The following CPXM2 variants were observed in gnomAD, a reference collection of about 807,000 sequenced individuals.
CPXM2 encodes carboxypeptidase X, M14 family member 2, also known as inactive carboxypeptidase-like protein X2.
CPXM2 carries 66 observed loss-of-function variants against 86.1 expected under a neutral mutation model. That is an observed-to-expected ratio of 0.77 (90% CI 0.63 to 0.94). CPXM2 has a LOEUF of 0.94. Ranked by LOEUF, CPXM2 falls within the 40% of genes least tolerant of loss-of-function variation. CPXM2 has a pLI of 0.00. For synonymous variants in CPXM2, 388 were observed against 400.2 expected (o/e 0.97, Z 0.36); for missense variants, 948 against 1,026.3 (o/e 0.92, Z 1.04).
chr10:123,875,798 CTTTTCTTTCTTTTTTTTTTTTTT>C (rs1944974192), intron 2 of CPXM2, among the ~76,000 whole-genome samples: 1 of 107,998 alleles, frequency 9.3e-6, no homozygotes, highest in Non-Finnish European at 2.0e-5. Context: ...ATGTTTCTTT[CTTTTCTTTCTTTTTTTTTTTTTT>C]TTTTTTTTTT....
chr10:123,908,835 C>T lies in CPXM2; in HGVS notation n.175-28526G>A, dbSNP rs151075926. Among the ~76,000 whole-genome samples, 516 of 152,272 alleles carry T rather than the reference C, an allele frequency of 3.4e-3. 1 individual carries two copies. The highest frequency in any genetic ancestry group is 4.6e-3 in the Non-Finnish European group (315 of 68,022). ...TATCATGGTTCAGGTACACATTATA[C>T]ATTTGTTAAATGTACAATCTATAAA... On this transcript the variant is annotated intron_variant and non_coding_transcript_variant, in intron 2 of 19. Coordinates refer to the CPXM2 transcript ENST00000368854.
intron 4 of CPXM2, among the ~76,000 whole-genome samples, chr10:123,841,213 C>T (rs1028384363): frequency 6.6e-6 from 1 of 152,094 alleles, no homozygotes; most frequent in East Asian, 1.9e-4. Context: ...CACAAAGCCC[C>T]CAAGCTCTGC....
intron 4 of CPXM2, 79 bp from the exon 5 acceptor site, chr10:123,799,278 G>C (rs1322711511): frequency 1.3e-6 from 2 of 1,563,040 alleles, no homozygotes; most frequent in Admixed American, 3.4e-5. Context: ...GAAGTGAGGA[G>C]AGCAGGTGCC....
chr10:123,921,018 T>C (rs1280151952), intron 2 of CPXM2, among the ~76,000 whole-genome samples: 2 of 152,170 alleles, frequency 1.3e-5, no homozygotes, highest in East Asian at 3.8e-4. Flanking sequence ...TGGTATTCTG[T>C]TATAGCAACA....
chr10:123,870,260 G>A (rs1019285096), intron 2 of CPXM2, among the ~76,000 whole-genome samples: 7 of 152,136 alleles, frequency 4.6e-5, no homozygotes, highest in African/African-American at 1.7e-4. Flanking sequence ...TTGAAAACTC[G>A]AGAGCATAAC....
In CPXM2 at chr10:123,842,484, C is replaced by A; in HGVS notation, c.518G>T (p.Gly173Val). 1 of 1,613,998 alleles carries A rather than the reference C, an allele frequency of 6.2e-7. No individual in the cohort carries two copies. Among genetic ancestry groups the A allele is most frequent in the Non-Finnish European group, 8.5e-7 (1 of 1,179,910 alleles). ...AHRGRLNIQA[G>V]INENDFYDGA... is the part of the protein sequence containing the mutation. Reference sequence around the variant, plus strand: ...GTCATAAAAATCATTTTCATTAATGCCCGCCTAGAAAGAAAGAAAGCGGTG... The same window carrying A: ...GTCATAAAAATCATTTTCATTAATGACCGCCTAGAAAGAAAGAAAGCGGTG... The change falls in exon 4 of 14, where the codon GGC becomes GTC. Residue 173 changes from glycine (G) to valine (V), a missense_variant. Transcript: ENST00000241305.
intron 4 of CPXM2, among the ~76,000 whole-genome samples, chr10:123,835,822 T>G (rs1848268086): frequency 6.6e-6 from 1 of 152,164 alleles, no homozygotes; most frequent in Admixed American, 6.5e-5. Context: ...CCCAGGTCCC[T>G]TGGGAGGAAC....
At chr10:123,747,480 A>C (rs1845992810) in intron 13 of CPXM2, among the ~76,000 whole-genome samples, 1 of 152,214 alleles carries the variant, frequency 6.6e-6, no homozygotes, top group Non-Finnish European at 1.5e-5. Flanking sequence ...AAAGGACTAC[A>C]TGGACTGAGG....
In CPXM2 at chr10:123,757,266, G is replaced by T. The variant is rs1340285912; in HGVS notation, c.1864C>A (p.Leu622Met). The T allele has an allele frequency of 6.2e-7, 1 of 1,613,910 alleles. No individual in the cohort carries two copies. Among genetic ancestry groups the T allele is most frequent in the South Asian group, 1.1e-5 (1 of 91,062 alleles). Residue 622 changes from leucine (L) to methionine (M), a missense_variant, in exon 12 of 14, where the codon CTG becomes ATG. Leu to Met is a conservative substitution (Grantham distance 15, BLOSUM62 2). Coordinates refer to ENST00000241305, the MANE Select transcript of CPXM2 (RefSeq NM_198148.3). ...CGGTTATTCTCCCACTCCTCGGGCAGCTGGCTCTCATGTGGGTATTTATCA... is the reference window on the plus strand; with the variant it reads ...CGGTTATTCTCCCACTCCTCGGGCATCTGGCTCTCATGTGGGTATTTATCA... Reference protein sequence around the residue: ...GCDKYPHESQLPEEWENNRES... With the variant: ...GCDKYPHESQMPEEWENNRES...
chr10:123,747,149 C>A (rs1845986851), intron 13 of CPXM2, 132 bp from the exon 14 acceptor site: 3 of 1,088,766 alleles, frequency 2.8e-6, no homozygotes, highest in Non-Finnish European at 4.0e-6. Flanking sequence ...CGAGCTCCTG[C>A]AGATGCAAAT....
rs1355213772 is a variant in CPXM2 at position 123,768,575 on chromosome 10, T to C, written c.1250A>G (p.His417Arg). The C allele has an allele frequency of 6.2e-7, 1 of 1,613,808 alleles. No homozygotes were observed. The highest frequency in any genetic ancestry group is 8.5e-7 in the Non-Finnish European group (1 of 1,179,902). Reference protein sequence around the residue: ...IVHLVEETRIHVLPSLNPDGY... With the variant: ...IVHLVEETRIRVLPSLNPDGY... ...ATCGGGGTTGAGGGAGGGGAGGACG[T>C]GAATCCGCGTCTCCTCCACCAGGTG... is the stretch of plus-strand genomic sequence containing the variant. Residue 417 changes from histidine to arginine, a missense_variant, in exon 9 of 14, where the codon CAC becomes CGC. Coordinates refer to ENST00000241305, the MANE Select transcript of CPXM2 (RefSeq NM_198148.3).
intron 4 of CPXM2, among the ~76,000 whole-genome samples, chr10:123,837,603 T>G (rs1298157292): frequency 6.6e-6 from 1 of 152,200 alleles, no homozygotes; most frequent in Non-Finnish European, 1.5e-5. Flanking sequence ...AATAAAAGAC[T>G]GCTTTTCATT....
intron 2 of CPXM2, among the ~76,000 whole-genome samples, chr10:123,923,465 CA>C (rs1945594002): frequency 6.6e-6 from 1 of 150,710 alleles, no homozygotes; most frequent in Admixed American, 6.6e-5. Context: ...CCTGTAGTCC[CA>C]GCTACTCGGG....
chr10:123,755,182 T>G (rs1303042471), intron 12 of CPXM2, among the ~76,000 whole-genome samples: 2 of 152,190 alleles, frequency 1.3e-5, no homozygotes, highest in Non-Finnish European at 2.9e-5. Flanking sequence ...AAGTAGCCAA[T>G]GGGCATGCTT....
At chr10:123,913,087 T>C (rs1417313284) in intron 2 of CPXM2, among the ~76,000 whole-genome samples, 1 of 152,230 alleles carries the variant, frequency 6.6e-6, no homozygotes, top group East Asian at 1.9e-4. Context: ...GCTGCTGGGC[T>C]CTCTGCCTTG....
intron 2 of CPXM2, among the ~76,000 whole-genome samples, chr10:123,934,827 T>C (rs978070825): frequency 6.6e-6 from 1 of 152,194 alleles, no homozygotes; most frequent in Non-Finnish European, 1.5e-5. Flanking sequence ...CGCCTGCCAC[T>C]GAGACCTGTG....
chr10:123,752,013 A>C, intron 13 of CPXM2: 1 of 985,468 alleles, frequency 1.0e-6, no homozygotes, highest in South Asian at 4.7e-5. Context: ...CACTCAGTTC[A>C]AAACTCCCAC....
chr10:123,849,676 G>C (rs886714589), intron 3 of CPXM2, among the ~76,000 whole-genome samples: 1 of 152,130 alleles, frequency 6.6e-6, no homozygotes, highest in Non-Finnish European at 1.5e-5. Flanking sequence ...ACCTCCCAAA[G>C]TGCTGGGATT....
chr10:123,827,794 C>T (rs1161871249), intron 4 of CPXM2, among the ~76,000 whole-genome samples: 1 of 152,092 alleles, frequency 6.6e-6, no homozygotes, highest in African/African-American at 2.4e-5. Context: ...GAAAACCAGC[C>T]TCCCCAGTTT....
Sources: allele counts gnomAD v4.1 joint callset (sites outside exome capture counted in the v4.1 genomes callset), GRCh38; gene constraint gnomAD v4.1.1; transcripts MANE v1.5; gene names NCBI Gene and HGNC (gene_info 2026-07-23, HGNC 2026-07-21).